The following BTD variants were observed in gnomAD, a reference collection of about 807,000 sequenced individuals.
The protein encoded by BTD is biotinidase.
In BTD, 13 loss-of-function variants were observed where a neutral mutation model predicts 17.7. The ratio of observed to expected loss-of-function variants is 0.74; its 90% CI spans 0.48 to 1.17. BTD has a LOEUF of 1.17. Ranked by LOEUF, BTD falls within the 50% of genes most tolerant of loss-of-function variation. The pLI is 0.00. For missense variants in BTD, 674 were observed against 650.4 expected (o/e 1.04, Z -0.39); for synonymous variants, 240 against 245.2 (o/e 0.98, Z 0.20).
chr3:15,677,114 C>T, intron 3 of BTD: 3 of 1,358,112 alleles, frequency 2.2e-6, no homozygotes, highest in Non-Finnish European at 3.2e-6. Context: ...TACATTTATA[C>T]ACCCAACAAT....
At chr3:15,670,476 C>T in intron 3 of BTD, 4 of 1,613,948 alleles carry the variant, frequency 2.5e-6, no homozygotes, top group East Asian at 2.2e-5. Context: ...CTTGATGAGA[C>T]AGGCATCATG....
At chr3:15,661,503 G>T (rs1373594724) in intron 3 of BTD, among the ~76,000 whole-genome samples, 1 of 152,100 alleles carries the variant, frequency 6.6e-6, no homozygotes, top group Non-Finnish European at 1.5e-5. Flanking sequence ...AAAGTTGCTT[G>T]TGTTCTTATT....
rs2065730103 is a variant in BTD at position 15,647,875 on chromosome 3, A to T, written c.*2387A>T. ...GCACAGTGAGCTGTATTCACACTGGATTTAAAAGCCCTGTTCTTAGAGAGG... is the reference window on the plus strand; with the variant it reads ...GCACAGTGAGCTGTATTCACACTGGTTTTAAAAGCCCTGTTCTTAGAGAGG... On this transcript the variant is annotated 3_prime_UTR_variant, in exon 4 of 4. Transcript: ENST00000643237. Among the ~76,000 whole-genome samples, 1 of 152,108 alleles carries T rather than the reference A, an allele frequency of 6.6e-6. No homozygotes were observed.
At chr3:15,670,218 GA>G in intron 3 of BTD, 2 of 1,567,694 alleles carry the variant, frequency 1.3e-6, no homozygotes, top group South Asian at 2.4e-5. Context: ...CCTTTTTCCT[GA>G]AAAAGCACAG....
chr3:15,691,418 C>T (rs554929728), intron 3 of BTD, among the ~76,000 whole-genome samples: 6 of 152,294 alleles, frequency 3.9e-5, no homozygotes, highest in South Asian at 2.1e-4. Context: ...CCACTGCGCC[C>T]GGCCCCGAGT....
At chr3:15,710,674 G>C (rs967100927) in exon 4 of BTD, among the ~76,000 whole-genome samples, 2 of 152,176 alleles carry the variant, frequency 1.3e-5, no homozygotes, top group African/African-American at 4.8e-5. Flanking sequence ...GCATGTTCCA[G>C]AGGCCATGAG....
intron 1 of BTD, chr3:15,602,183 T>G (rs2125315110): frequency 7.1e-7 from 1 of 1,400,106 alleles, no homozygotes; most frequent in Non-Finnish European, 9.3e-7. Context: ...GAAGCAGATG[T>G]GTACCCCAGC....
intron 3 of BTD, chr3:15,675,916 G>C: frequency 1.2e-6 from 2 of 1,611,044 alleles, no homozygotes; most frequent in Non-Finnish European, 1.7e-6. Flanking sequence ...TCTACTGCAA[G>C]CACACTTGCT....
chr3:15,662,133 T>C (rs1004890499), intron 3 of BTD, among the ~76,000 whole-genome samples: 3 of 152,250 alleles, frequency 2.0e-5, no homozygotes, highest in African/African-American at 7.2e-5. Flanking sequence ...ATATAAACTT[T>C]AAAATCAGTT....
Position 15,644,296 on chromosome 3 carries a change from T to C in BTD, c.400-20T>C. 6.2e-7 allele frequency: 1 copy of C among 1,608,864 alleles called. No homozygotes were observed. Among genetic ancestry groups the C allele is most frequent in the South Asian group, 1.1e-5 (1 of 90,326 alleles). ...ATTACAGGCAAAAACCTCATTTATT[T>C]ACACCTTTTTTTCCTCTAGGTGCTC... On this transcript the variant is annotated intron_variant, in intron 3 of 3. Transcript: ENST00000643237.
chr3:15,712,379 T>C (rs1191023071), exon 4 of BTD, among the ~76,000 whole-genome samples: 2 of 152,222 alleles, frequency 1.3e-5, no homozygotes, highest in Non-Finnish European at 2.9e-5. Context: ...ATGGTGGGCA[T>C]AACTTATTAG....
At chr3:15,665,422 G>A (rs1189410734) in intron 3 of BTD, among the ~76,000 whole-genome samples, 1 of 152,114 alleles carries the variant, frequency 6.6e-6, no homozygotes, top group Non-Finnish European at 1.5e-5. Flanking sequence ...TTTGAAAAAG[G>A]GCAGATCCAC....
At chr3:15,720,246 T>C (rs985185723) in intron 4 of BTD, among the ~76,000 whole-genome samples, 3 of 152,164 alleles carry the variant, frequency 2.0e-5, no homozygotes, top group African/African-American at 7.2e-5. Context: ...CAACTATTCC[T>C]TATGTGCAAC....
chr3:15,637,049 G>T (rs1046922532), intron 2 of BTD, among the ~76,000 whole-genome samples: 2 of 152,112 alleles, frequency 1.3e-5, no homozygotes, highest in African/African-American at 2.4e-5. Context: ...CTGCCACCAC[G>T]ATTCTATCGT....
chr3:15,698,338 G>A (rs2069999331), intron 3 of BTD, among the ~76,000 whole-genome samples: 1 of 152,162 alleles, frequency 6.6e-6, no homozygotes, highest in Admixed American at 6.5e-5. Context: ...ACAAGACAGG[G>A]ATGCCCTCTC....
chr3:15,675,781 T>G, intron 3 of BTD: 1 of 841,616 alleles, frequency 1.2e-6, no homozygotes, highest in East Asian at 2.9e-5. Context: ...TACTCTTCAA[T>G]ATTAACTTTA....
At chr3:15,640,579 C>G (rs1016225938) in intron 2 of BTD, among the ~76,000 whole-genome samples, 1 of 151,862 alleles carries the variant, frequency 6.6e-6, no homozygotes, top group African/African-American at 2.4e-5. Context: ...TTAGTAGAGA[C>G]GGGGTTTCAT....
At chr3:15,693,224 A>G (rs1204769184) in intron 3 of BTD, among the ~76,000 whole-genome samples, 2 of 152,196 alleles carry the variant, frequency 1.3e-5, no homozygotes, top group African/African-American at 4.8e-5. Context: ...CTGTACAATT[A>G]GAAATGGTTA....
intron 3 of BTD, among the ~76,000 whole-genome samples, chr3:15,707,036 GT>G (rs1166023427): frequency 6.6e-6 from 1 of 152,148 alleles, no homozygotes; most frequent in Non-Finnish European, 1.5e-5. Context: ...ATTAACATTT[GT>G]GAAGAATCAA....
Sources: gnomAD v4.1 joint callset for allele counts (sites outside exome capture counted in the v4.1 genomes callset) on GRCh38, gnomAD v4.1.1 for gene constraint, MANE v1.5 for transcripts, NCBI Gene and HGNC (gene_info 2026-07-23, HGNC 2026-07-21) for gene names.